HMGXB4: variants seen among roughly 807,000 people sequenced by gnomAD.
The protein encoded by HMGXB4 is HMG domain-containing protein 4.
In HMGXB4, 27 loss-of-function variants were observed where a neutral mutation model predicts 63.9. The observed-to-expected ratio is 0.42, with a 90% CI of 0.31 to 0.58. The LOEUF (loss-of-function observed/expected upper bound fraction) is 0.58. Among genes scored for constraint, HMGXB4 ranks in the 20% least tolerant of loss-of-function variants. HMGXB4 has a pLI of 0.13. For missense variants in HMGXB4, 624 were observed against 700.7 expected (o/e 0.89, Z 1.24); for synonymous variants, 264 against 265.3 (o/e 0.99, Z 0.05).
At chr22:35,290,833 A>G (rs976993769) in intron 9 of HMGXB4, among the ~76,000 whole-genome samples, 2 of 152,146 alleles carry the variant, frequency 1.3e-5, no homozygotes, top group African/African-American at 4.8e-5. Context: ...GACATTCATG[A>G]CATCTCAAGG....
intron 2 of HMGXB4, among the ~76,000 whole-genome samples, 186 bp downstream of exon 2, chr22:35,262,607 A>T (rs1201592254): frequency 2.0e-5 from 3 of 152,124 alleles, no homozygotes; most frequent in Non-Finnish European, 4.4e-5. Flanking sequence ...AAACCAGGAC[A>T]GGGGTTCCAA....
chr22:35,286,161 T>A, intron 7 of HMGXB4, 100 bp downstream of exon 7: 2 of 800,096 alleles, frequency 2.5e-6, no homozygotes, highest in Non-Finnish European at 4.0e-6. Context: ...CTGAAAATAG[T>A]GAAGAAAATT....
intron 8 of HMGXB4, 61 bp from the exon 9 acceptor site, chr22:35,288,177 C>A: frequency 7.6e-7 from 1 of 1,319,016 alleles, no homozygotes; most frequent in Non-Finnish European, 9.9e-7. Context: ...GGAAGAACAA[C>A]TTTGTGTTGT....
the HMGXB4 span, among the ~76,000 whole-genome samples, chr22:35,248,224 A>G: frequency 3.3e-5 from 5 of 152,186 alleles, no homozygotes; most frequent in African/African-American, 9.7e-5. Flanking sequence ...TGCTACAAAG[A>G]AATACCTGAG....
chr22:35,268,822 T>C (rs1300551191), intron 5 of HMGXB4, among the ~76,000 whole-genome samples: 2 of 152,220 alleles, frequency 1.3e-5, no homozygotes, highest in African/African-American at 4.8e-5. Flanking sequence ...TTGTTTCCCA[T>C]ACATTCTTAC....
chr22:35,265,183 A>G lies in HMGXB4; in HGVS notation c.795A>G (p.Glu265=), dbSNP rs770448105. 4.3e-6 allele frequency: 7 copies of G among 1,614,152 alleles called. No homozygotes were observed. In the East Asian group the frequency reaches 1.6e-4, roughly 36 times the overall value. Residue 265 remains glutamate, a synonymous_variant, in exon 5 of 11, where the codon GAA becomes GAG. Transcript: ENST00000216106. ...ACGCACATTCATCTCCTGGCCCTGA[A>G]GGCTGTGGGTCTGACGCCTCCCAGT... ...SSDAHSSPGP[E]GCGSDASQFA... is the part of the protein sequence containing the mutation.
intron 4 of HMGXB4, 112 bp downstream of exon 4, chr22:35,263,986 G>A: frequency 6.4e-7 from 1 of 1,571,220 alleles, no homozygotes; most frequent in Non-Finnish European, 8.6e-7. Flanking sequence ...TAACAGGACA[G>A]TGGTTCTTGT....
At chr22:35,279,933 CT>C (rs988189735) in intron 5 of HMGXB4, among the ~76,000 whole-genome samples, 12 of 152,074 alleles carry the variant, frequency 7.9e-5, no homozygotes, top group Admixed American at 6.5e-5. Flanking sequence ...AGTCCTTCAG[CT>C]TTGTTCTTCA....
chr22:35,289,280 G>A (rs1924790470), intron 9 of HMGXB4, among the ~76,000 whole-genome samples: 1 of 151,884 alleles, frequency 6.6e-6, no homozygotes. Context: ...GCAACATAGC[G>A]AGACCCCATT....
chr22:35,287,929 CAA>C (rs1428530606), intron 8 of HMGXB4, among the ~76,000 whole-genome samples: 3 of 149,792 alleles, frequency 2.0e-5, no homozygotes, highest in South Asian at 2.1e-4. Flanking sequence ...GCCTGGGCAA[CAA>C]GAGCAAAACT....
At chr22:35,283,587 C>T (rs1307133006) in intron 5 of HMGXB4, among the ~76,000 whole-genome samples, 5 of 152,046 alleles carry the variant, frequency 3.3e-5, no homozygotes, top group Admixed American at 2.6e-4. Context: ...GTCAGGAGTT[C>T]GAGACCAGCC....
intron 10 of HMGXB4, 74 bp downstream of exon 10, chr22:35,293,188 G>A: frequency 6.5e-7 from 1 of 1,547,662 alleles, no homozygotes; most frequent in Non-Finnish European, 8.9e-7. Context: ...AGCACTGTCA[G>A]ACACACATAA....
At chr22:35,270,751 T>C (rs1444134809) in intron 5 of HMGXB4, among the ~76,000 whole-genome samples, 1 of 152,230 alleles carries the variant, frequency 6.6e-6, no homozygotes, top group Non-Finnish European at 1.5e-5. Context: ...AATTTTAATT[T>C]ATAGCAAAAA....
At chr22:35,281,734 T>C (rs1924253607) in intron 5 of HMGXB4, among the ~76,000 whole-genome samples, 1 of 152,186 alleles carries the variant, frequency 6.6e-6, no homozygotes, top group Non-Finnish European at 1.5e-5. Context: ...AATTTTTCTT[T>C]CATCATGTAT....
chr22:35,289,943 A>T (rs1029362836), intron 9 of HMGXB4, among the ~76,000 whole-genome samples: 1 of 152,232 alleles, frequency 6.6e-6, no homozygotes, highest in African/African-American at 2.4e-5. Flanking sequence ...AAAACTAATC[A>T]CTTGCTTCAA....
At chr22:35,279,285 A>G (rs923441713) in intron 5 of HMGXB4, among the ~76,000 whole-genome samples, 9 of 151,680 alleles carry the variant, frequency 5.9e-5, no homozygotes, top group African/African-American at 2.2e-4. Flanking sequence ...AGTAGCTGCA[A>G]TTACAGGCAT....
intron 5 of HMGXB4, among the ~76,000 whole-genome samples, chr22:35,277,675 G>C (rs995403696): frequency 3.3e-5 from 5 of 152,170 alleles, no homozygotes; most frequent in African/African-American, 1.2e-4. Context: ...TGTGAAATTT[G>C]TTCAGGAAAC....
chr22:35,241,931 C>T, the HMGXB4 span, among the ~76,000 whole-genome samples: 8 of 152,196 alleles, frequency 5.3e-5, no homozygotes, highest in Admixed American at 6.5e-5. Flanking sequence ...CTAGTCCTGC[C>T]TCCCATCCGC....
chr22:35,290,630 C>CAA (rs767279436), intron 9 of HMGXB4, among the ~76,000 whole-genome samples: 3,493 of 51,678 alleles, frequency 0.068, 82 homozygotes, highest in East Asian at 0.097. Context: ...GACTCCGCCT[C>CAA]AAAAAAAAAA....
Sources: allele counts gnomAD v4.1 joint callset (sites outside exome capture counted in the v4.1 genomes callset), GRCh38; gene constraint gnomAD v4.1.1; transcripts MANE v1.5; gene names NCBI Gene and HGNC (gene_info 2026-07-23, HGNC 2026-07-21).